TADA2A: variants seen among roughly 807,000 people sequenced by gnomAD.
TADA2A encodes transcriptional adapter 2-alpha.
Under a neutral mutation model 67.4 loss-of-function variants are expected in TADA2A, and 38 were observed. The observed-to-expected ratio is 0.56, with a 90% CI of 0.44 to 0.74. The LOEUF (loss-of-function observed/expected upper bound fraction) is 0.74. Among genes scored for constraint, TADA2A ranks in the 30% least tolerant of loss-of-function variants. The pLI is 0.00. For synonymous variants in TADA2A, 192 were observed against 181.6 expected, an observed-to-expected ratio of 1.06 and a Z score of -0.46; for missense variants, 454 against 547.0, an observed-to-expected ratio of 0.83 and a Z score of 1.70.
intron 4 of TADA2A, among the ~76,000 whole-genome samples, chr17:37,428,512 C>A (rs1189423091): frequency 6.6e-6 from 1 of 152,166 alleles, no homozygotes; most frequent in Non-Finnish European, 1.5e-5. Flanking sequence ...TTGATGAAAT[C>A]CAGGGAATCT....
intron 13 of TADA2A, 151 bp downstream of exon 13, chr17:37,470,683 C>A: frequency 2.4e-6 from 2 of 837,362 alleles, no homozygotes; most frequent in Non-Finnish European, 3.5e-6. Flanking sequence ...AGAAACAGTG[C>A]CATACTGACA....
intron 13 of TADA2A, 78 bp downstream of exon 13, chr17:37,470,610 G>C: frequency 7.1e-7 from 1 of 1,400,564 alleles, no homozygotes; most frequent in Non-Finnish European, 9.4e-7. Flanking sequence ...GGGCACCCTA[G>C]ATGGCAGAGT....
At chr17:37,451,030 C>CTT (rs142724520) in intron 8 of TADA2A, among the ~76,000 whole-genome samples, 87 of 148,742 alleles carry the variant, frequency 5.8e-4, no homozygotes, top group Admixed American at 4.6e-3. Context: ...TATTCAGAGG[C>CTT]TTTTTTTTTT....
chr17:37,423,679 C>T (rs1433320316), intron 3 of TADA2A, 64 bp downstream of exon 3: 13 of 1,221,596 alleles, frequency 1.1e-5, no homozygotes, highest in East Asian at 2.3e-5. Flanking sequence ...TGTAATATTT[C>T]GGAGATTACT....
At position 37,477,483 on chromosome 17, in the gene TADA2A, G is replaced by C. The variant is rs1329297340; in HGVS notation, c.*501G>C. The C allele has an allele frequency of 1.1e-5, 1 of 91,984 alleles. No homozygotes were observed. Among genetic ancestry groups the C allele is most frequent in the Non-Finnish European group, 2.3e-5 (1 of 42,874 alleles). 5.7% of individuals were successfully genotyped at this position (91,984 alleles called of 1,614,324 possible). Reference sequence around the variant, plus strand: ...CTGACAACTTTTTTTTTTTTTTTTTGAGACAGAGTTTGCTCTTGTCCTCCA... The same window carrying C: ...CTGACAACTTTTTTTTTTTTTTTTTCAGACAGAGTTTGCTCTTGTCCTCCA... On this transcript the variant is annotated 3_prime_UTR_variant, in exon 16 of 16. Coordinates refer to ENST00000615182, the MANE Select transcript of TADA2A (RefSeq NM_001166105.3).
At chr17:37,427,942 A>G (rs548402714) in intron 4 of TADA2A, among the ~76,000 whole-genome samples, 1 of 151,954 alleles carries the variant, frequency 6.6e-6, no homozygotes, top group African/African-American at 2.4e-5. Context: ...AGATCGCACC[A>G]CTGCACTCCA....
At chr17:37,437,088 T>C (rs976418396) in intron 4 of TADA2A, among the ~76,000 whole-genome samples, 1 of 139,726 alleles carries the variant, frequency 7.2e-6, no homozygotes, top group Non-Finnish European at 1.5e-5. Flanking sequence ...TTATTTTTAA[T>C]TTTTTTTTTT....
chr17:37,433,248 C>G (rs886366449), intron 4 of TADA2A, among the ~76,000 whole-genome samples: 1 of 152,098 alleles, frequency 6.6e-6, no homozygotes, highest in Non-Finnish European at 1.5e-5. Flanking sequence ...CCACCGTGCC[C>G]AGCCATTTTT....
At chr17:37,432,133 G>A (rs1371366051) in intron 4 of TADA2A, among the ~76,000 whole-genome samples, 1 of 151,048 alleles carries the variant, frequency 6.6e-6, no homozygotes, top group Non-Finnish European at 1.5e-5. Flanking sequence ...CACTTCTGTT[G>A]TTTCTGGTTT....
At chr17:37,415,874 C>CAAAAAAAAAAAAAAAAAA (rs35954525) in intron 2 of TADA2A, among the ~76,000 whole-genome samples, 1 of 105,866 alleles carries the variant, frequency 9.4e-6, no homozygotes, top group African/African-American at 3.5e-5. Flanking sequence ...AACTCCTTCT[C>CAAAAAAAAAAAAAAAAAA]AAAAAAAAAA....
chr17:37,475,121 T>C (rs1313435899), intron 15 of TADA2A, among the ~76,000 whole-genome samples: 1 of 152,120 alleles, frequency 6.6e-6, no homozygotes, highest in East Asian at 1.9e-4. Context: ...CTACATCATA[T>C]ATAGTCATGT....
At chr17:37,462,161 C>T (rs1402090330) in intron 10 of TADA2A, 40 bp downstream of exon 10, 2 of 1,342,736 alleles carry the variant, frequency 1.5e-6, no homozygotes, top group Admixed American at 2.1e-5. Context: ...AATTTTTTTC[C>T]AATATTATTG....
intron 3 of TADA2A, among the ~76,000 whole-genome samples, chr17:37,425,137 C>T (rs1432435087): frequency 6.6e-6 from 1 of 152,076 alleles, no homozygotes; most frequent in African/African-American, 2.4e-5. Flanking sequence ...TGCCTCAGCC[C>T]CCAAAGTGCT....
intron 1 of TADA2A, chr17:37,407,325 C>G (rs1041306693): frequency 1.3e-5 from 2 of 152,816 alleles, no homozygotes; most frequent in African/African-American, 4.8e-5. Flanking sequence ...GCAGGCCCCC[C>G]AAAGTAGGTA....
At chr17:37,421,747 G>A (rs1461860426) in intron 2 of TADA2A, among the ~76,000 whole-genome samples, 2 of 146,564 alleles carry the variant, frequency 1.4e-5, no homozygotes, top group East Asian at 2.1e-4. Context: ...AGGCATGATC[G>A]TGCAACCACA....
intron 8 of TADA2A, among the ~76,000 whole-genome samples, chr17:37,445,284 G>T (rs2053042586): frequency 1.3e-5 from 2 of 152,140 alleles, no homozygotes; most frequent in African/African-American, 4.8e-5. Flanking sequence ...GTTTGTTTTT[G>T]AGACGGAGTC....
At position 37,442,731 on chromosome 17, in the gene TADA2A, T is replaced by C. The variant is rs1364593801; in HGVS notation, c.531+79T>C. The C allele has an allele frequency of 4.5e-6, 6 of 1,322,540 alleles. No individual in the cohort carries two copies. In the African/African-American group the frequency reaches 8.8e-5, roughly 19 times the overall value. The allele number at this position is 1,322,540 out of a possible 1,614,324, so 81.9% of individuals were successfully genotyped here. ...ATGAGCCTTCTGTCTCACCCATAGA[T>C]TCCATACCACTAAAAGGAGATTTTT... On this transcript the variant is annotated intron_variant, in intron 7 of 15. Coordinates refer to ENST00000615182, the MANE Select transcript of TADA2A (RefSeq NM_001166105.3).
chr17:37,470,978 CT>C, intron 13 of TADA2A, 115 bp from the exon 14 acceptor site: 1 of 953,564 alleles, frequency 1.0e-6, no homozygotes, highest in East Asian at 2.4e-5. Context: ...TTCAGTCTAT[CT>C]CATTACACTT....
intron 6 of TADA2A, among the ~76,000 whole-genome samples, chr17:37,441,096 TA>T (rs34338887): frequency 0.25 from 32,314 of 131,810 alleles, 3,560 homozygotes; most frequent in Middle Eastern, 0.36. Context: ...CTTCATCTCT[TA>T]AAAAAAAAAA....
Sources: allele counts gnomAD v4.1 joint callset (sites outside exome capture counted in the v4.1 genomes callset), GRCh38; gene constraint gnomAD v4.1.1; transcripts MANE v1.5; gene names NCBI Gene and HGNC (gene_info 2026-07-23, HGNC 2026-07-21).